Variants in THBS4 observed in about 807,000 individuals in gnomAD.
The protein encoded by THBS4 is thrombospondin-4.
THBS4 carries 90 observed loss-of-function variants against 115.7 expected under a neutral mutation model. The ratio of observed to expected loss-of-function variants is 0.78; its 90% CI spans 0.66 to 0.93. The LOEUF (loss-of-function observed/expected upper bound fraction) is 0.93. Among genes scored for constraint, THBS4 ranks in the 40% least tolerant of loss-of-function variants. THBS4 has a pLI of 0.00. For missense variants in THBS4, 1,087 were observed against 1,232.7 expected, an observed-to-expected ratio of 0.88 and a Z score of 1.77; for synonymous variants, 460 against 479.3, an observed-to-expected ratio of 0.96 and a Z score of 0.53.
At chr5:80,073,175 A>T in intron 14 of THBS4, 100 bp from the exon 15 acceptor site, 1 of 1,264,132 alleles carries the variant, frequency 7.9e-7, no homozygotes. Flanking sequence ...CCAGAGAAAT[A>T]ATTCCCCAAA....
At chr5:79,995,701 G>T (rs1210483353) in intron 1 of THBS4, among the ~76,000 whole-genome samples, 2 of 152,084 alleles carry the variant, frequency 1.3e-5, no homozygotes, top group African/African-American at 4.8e-5. Context: ...TGAGAGACAT[G>T]CTCTCTTTCT....
chr5:80,037,351 C>T (rs1832750671), intron 1 of THBS4, among the ~76,000 whole-genome samples: 1 of 152,076 alleles, frequency 6.6e-6, no homozygotes, highest in African/African-American at 2.4e-5. Context: ...TCAGGCTTAA[C>T]AGGATAATTT....
chr5:80,019,742 A>C (rs1832323678), intron 2 of THBS4: 3 of 198,198 alleles, frequency 1.5e-5, no homozygotes, highest in Admixed American at 1.4e-4. Flanking sequence ...TGCAGGAATC[A>C]CAGCATGGAT....
At chr5:80,068,801 C>A (rs1833931559) in intron 10 of THBS4, 1 of 152,866 alleles carries the variant, frequency 6.5e-6, no homozygotes, top group East Asian at 1.9e-4. Flanking sequence ...GCAGTCACAG[C>A]AGGGCCTGAC....
At chr5:80,068,428 G>C (rs1355767189) in intron 10 of THBS4, 5 of 320,564 alleles carry the variant, frequency 1.6e-5, no homozygotes, top group Non-Finnish European at 2.9e-5. Flanking sequence ...GAAAGGCCCA[G>C]AAGCCAGCAG....
chr5:80,061,863 C>T, intron 8 of THBS4, 31 bp downstream of exon 8: 2 of 1,578,308 alleles, frequency 1.3e-6, no homozygotes, highest in Non-Finnish European at 1.7e-6. Flanking sequence ...CTATTCATTT[C>T]TCATCTTAAC....
At chr5:80,027,901 A>AAAC (rs1832511416) in intron 2 of THBS4, among the ~76,000 whole-genome samples, 1 of 150,382 alleles carries the variant, frequency 6.6e-6, no homozygotes, top group African/African-American at 2.5e-5. Flanking sequence ...CTCCAAAAAA[A>AAAC]AAAAAAAAAA....
At chr5:80,080,990 C>G (rs901809422) in intron 20 of THBS4, among the ~76,000 whole-genome samples, 2 of 152,266 alleles carry the variant, frequency 1.3e-5, no homozygotes, top group African/African-American at 4.8e-5. Flanking sequence ...AGTCTGACTT[C>G]TTTCTTTATA....
chr5:80,058,822 C>G, intron 5 of THBS4, 32 bp downstream of exon 5: 1 of 1,600,612 alleles, frequency 6.2e-7, no homozygotes, highest in Non-Finnish European at 8.5e-7. Flanking sequence ...CAGAAAAGCC[C>G]TCGTCTTCTT....
intron 2 of THBS4, among the ~76,000 whole-genome samples, chr5:80,019,111 T>C (rs1233770221): frequency 6.6e-6 from 1 of 151,828 alleles, no homozygotes; most frequent in Non-Finnish European, 1.5e-5. Flanking sequence ...TATAGTAGCA[T>C]GAATTTGGAA....
chr5:80,003,523 T>C (rs1451458816), intron 2 of THBS4, among the ~76,000 whole-genome samples: 1 of 152,198 alleles, frequency 6.6e-6, no homozygotes, highest in African/African-American at 2.4e-5. Flanking sequence ...TTCAAGCAGC[T>C]GCCATGGTAT....
At chr5:80,062,854 G>GGACAT (rs1833686403) in intron 8 of THBS4, among the ~76,000 whole-genome samples, 1 of 152,182 alleles carries the variant, frequency 6.6e-6, no homozygotes, top group Admixed American at 6.5e-5. Context: ...TCCCTACAAA[G>GGACAT]GACATGAACT....
At chr5:80,056,621 T>A (rs1833440978) in intron 3 of THBS4, among the ~76,000 whole-genome samples, 1 of 152,254 alleles carries the variant, frequency 6.6e-6, no homozygotes, top group Non-Finnish European at 1.5e-5. Flanking sequence ...GCTGTAGAAA[T>A]TGCCACATAC....
At chr5:80,033,453 T>A (rs1832624739), upstream of THBS4, among the ~76,000 whole-genome samples, 4 of 152,212 alleles carry the variant, frequency 2.6e-5, no homozygotes, top group South Asian at 8.3e-4. Flanking sequence ...ACCTCCAATG[T>A]CATGGCTGGA....
intron 2 of THBS4, among the ~76,000 whole-genome samples, chr5:80,048,694 T>C (rs1345737227): frequency 6.6e-6 from 1 of 151,888 alleles, no homozygotes; most frequent in Non-Finnish European, 1.5e-5. Context: ...TTTATTCAAA[T>C]TGCCATAAGA....
intron 2 of THBS4, among the ~76,000 whole-genome samples, chr5:80,002,911 G>A (rs558219096): frequency 5.5e-5 from 8 of 144,910 alleles, no homozygotes; most frequent in South Asian, 4.3e-4. Context: ...TTATGTTAAC[G>A]AAAGATCATT....
rs767935939 is a variant in THBS4, at chr5:80,040,074, C to T, written c.89-3C>T. ...TATACCCCTTCTTCTCCCTTCTTCCCAGTCTTTGACCTTCTCCCATCTTCC... is the reference window on the plus strand; with the variant it reads ...TATACCCCTTCTTCTCCCTTCTTCCTAGTCTTTGACCTTCTCCCATCTTCC... On this transcript the variant is annotated splice_polypyrimidine_tract_variant and splice_region_variant and intron_variant, in intron 1 of 21. Coordinates refer to ENST00000350881, the MANE Select transcript of THBS4 (RefSeq NM_003248.6). The T allele has an allele frequency of 1.2e-6, 2 of 1,614,008 alleles. No homozygotes were observed. Among genetic ancestry groups the T allele is most frequent in the South Asian group, 1.1e-5 (1 of 91,064 alleles).
chr5:80,017,762 G>A (rs563365807), intron 2 of THBS4, among the ~76,000 whole-genome samples: 2 of 152,140 alleles, frequency 1.3e-5, no homozygotes, highest in African/African-American at 2.4e-5. Flanking sequence ...TATATCCTTC[G>A]AAATTTTCTT....
intron 6 of THBS4, 58 bp downstream of exon 6, chr5:80,059,549 G>C: frequency 6.2e-7 from 1 of 1,607,268 alleles, no homozygotes; most frequent in Non-Finnish European, 8.5e-7. Context: ...CTGATGAAGG[G>C]CTTGCGGTGA....
Sources: gnomAD v4.1 joint callset for allele counts (sites outside exome capture counted in the v4.1 genomes callset) on GRCh38, gnomAD v4.1.1 for gene constraint, MANE v1.5 for transcripts, NCBI Gene and HGNC (gene_info 2026-07-23, HGNC 2026-07-21) for gene names.